MKNK1: variants seen among roughly 807,000 people sequenced by gnomAD.
MKNK1 encodes MAP kinase-interacting serine/threonine-protein kinase 1.
A neutral mutation model predicts 49.3 loss-of-function variants in MKNK1; 30 were observed. The observed-to-expected ratio is 0.61, with a 90% CI of 0.46 to 0.83. MKNK1 has a LOEUF of 0.83. Ranked by LOEUF, MKNK1 falls within the 40% of genes least tolerant of loss-of-function variation. The pLI is 0.00. For synonymous variants in MKNK1, 176 were observed against 201.7 expected, an observed-to-expected ratio of 0.87 and a Z score of 1.08; for missense variants, 423 against 524.7, an observed-to-expected ratio of 0.81 and a Z score of 1.89.
At chr1:46,584,313 CTT>C (rs1193558523) in intron 2 of MKNK1, among the ~76,000 whole-genome samples, 2 of 152,160 alleles carry the variant, frequency 1.3e-5, no homozygotes, top group African/African-American at 4.8e-5. Context: ...CTTTAATACT[CTT>C]TGCCTGCAGT....
intron 11 of MKNK1, among the ~76,000 whole-genome samples, chr1:46,561,075 G>A (rs1569996356): frequency 1.3e-5 from 2 of 152,370 alleles, no homozygotes; most frequent in South Asian, 2.1e-4. Flanking sequence ...ACCATGAGGA[G>A]AACCTATGTG....
Position 46,585,703 on chromosome 1 carries a change from G to T in MKNK1, c.-2-2374C>A, listed in dbSNP as rs957404407. On this transcript the variant is annotated intron_variant, in intron 2 of 12. Transcript: ENST00000371945. Reference sequence around the variant, plus strand: ...GGCTGGAGGCATTATAATTCACAGGGGACACTCAGGCACACGACTCTAATG... The same window carrying T: ...GGCTGGAGGCATTATAATTCACAGGTGACACTCAGGCACACGACTCTAATG... The T allele has an allele frequency of 1.5e-5, 7 of 455,190 alleles. No homozygotes were observed. The Admixed American group carries it at 1.7e-4, about 11-fold the overall frequency. The allele number at this position is 455,190 out of a possible 1,614,324, so 28.2% of individuals were successfully genotyped here.
At chr1:46,562,907 A>G in intron 9 of MKNK1, 64 bp from the exon 10 acceptor site, 1 of 1,332,100 alleles carries the variant, frequency 7.5e-7, no homozygotes, top group Non-Finnish European at 1.0e-6. Context: ...GTTACAGCAG[A>G]GGGGATGGCA....
chr1:46,569,703 G>A (rs1669754738), intron 7 of MKNK1: 1 of 152,248 alleles, frequency 6.6e-6, no homozygotes, highest in African/African-American at 2.4e-5. Flanking sequence ...AACTTCATCA[G>A]TCACCTAATT....
At chr1:46,583,413 T>C in intron 2 of MKNK1, 84 bp from the exon 3 acceptor site, 1 of 1,029,858 alleles carries the variant, frequency 9.7e-7, no homozygotes, top group Non-Finnish European at 1.5e-6. Flanking sequence ...AAAAAGGTAG[T>C]GGGGGAGGAC....
intron 1 of MKNK1, among the ~76,000 whole-genome samples, chr1:46,598,855 T>G (rs1405291768): frequency 1.3e-5 from 2 of 152,222 alleles, no homozygotes; most frequent in East Asian, 1.9e-4. Context: ...CCTGTTTATA[T>G]TCTCAGTTCT....
At position 46,557,801 on chromosome 1, in the gene MKNK1, C is replaced by T. The variant is rs1667254517; in HGVS notation, c.*774G>A. The T allele has an allele frequency of 6.6e-6, 1 of 152,212 alleles. No individual in the cohort carries two copies. Among genetic ancestry groups the T allele is most frequent in the Admixed American group, 6.5e-5 (1 of 15,278 alleles). 9.4% of individuals were successfully genotyped at this position (152,212 alleles called of 1,614,324 possible). A position where few individuals can be genotyped will look rare whatever the true frequency, so the allele number is the denominator to read the frequency against. ...GGACATTCTAGAAAGAAGAGCAAGC[C>T]GTTCCACTCTCTGGGAAGTTCATGG... On this transcript the variant is annotated 3_prime_UTR_variant, in exon 13 of 13. Coordinates refer to ENST00000371945, the MANE Select transcript of MKNK1 (RefSeq NM_001135553.4).
chr1:46,562,531 G>T, intron 10 of MKNK1, 118 bp downstream of exon 10: 1 of 1,169,366 alleles, frequency 8.6e-7, no homozygotes. Context: ...AGCGGGAGAG[G>T]GCACTATGAG....
At chr1:46,578,040 A>AGAG (rs1208233414) in intron 4 of MKNK1, among the ~76,000 whole-genome samples, 1 of 152,222 alleles carries the variant, frequency 6.6e-6, no homozygotes, top group African/African-American at 2.4e-5. Context: ...ATCTGAATGG[A>AGAG]GAGGTGTAGT....
chr1:46,588,803 G>A (rs1262336), intron 2 of MKNK1, among the ~76,000 whole-genome samples: 4 of 134,520 alleles, frequency 3.0e-5, no homozygotes, highest in African/African-American at 9.1e-5. Flanking sequence ...GCGAGACTCC[G>A]TCTCAAAAAA....
At position 46,580,563 on chromosome 1, in the gene MKNK1, C is replaced by A. The variant is rs768974646; in HGVS notation, c.165G>T (p.Val55=). ...CATACTCTTTGCCATTCTGTAGGCT[C>A]ACGGCACCTTGAACTTTGGCATAGG... is the stretch of plus-strand genomic sequence containing the variant. ...EGAYAKVQGA[V]SLQNGKEYAV... is the part of the protein sequence containing the mutation. The change falls in exon 4 of 13, where the codon GTG becomes GTT. Residue 55 remains valine (V), a synonymous_variant. Coordinates refer to ENST00000371945, the MANE Select transcript of MKNK1 (RefSeq NM_001135553.4). 1 of 1,614,062 alleles carries A rather than the reference C, an allele frequency of 6.2e-7. No individual in the cohort carries two copies. The highest frequency in any genetic ancestry group is 8.5e-7 in the Non-Finnish European group (1 of 1,179,902).
At chr1:46,578,210 G>T (rs1671254983) in intron 4 of MKNK1, among the ~76,000 whole-genome samples, 1 of 152,186 alleles carries the variant, frequency 6.6e-6, no homozygotes, top group East Asian at 1.9e-4. Flanking sequence ...ACAACTATCT[G>T]GGGAGTCAGA....
At chr1:46,586,050 G>A in intron 2 of MKNK1, 1 of 627,386 alleles carries the variant, frequency 1.6e-6, no homozygotes, top group Non-Finnish European at 2.6e-6. Flanking sequence ...ACAGGGGGAA[G>A]CGAGAGGTGT....
At chr1:46,602,940 C>CAG (rs1403847727) in intron 1 of MKNK1, among the ~76,000 whole-genome samples, 25 of 152,346 alleles carry the variant, frequency 1.6e-4, no homozygotes, top group Middle Eastern at 6.8e-3. Context: ...CTCCTGTTCA[C>CAG]AGAGCTTCCC....
Position 46,589,047 on chromosome 1 carries a change from C to T in MKNK1, c.-3+5066G>A, listed in dbSNP as rs186582539. ...TCAAATAAGAGACTAGAAGTGAAAG[C>T]ACCACTGACTTACTCTTCAATAATG... On this transcript the variant is annotated intron_variant, in intron 2 of 12. Coordinates refer to ENST00000371945, the MANE Select transcript of MKNK1 (RefSeq NM_001135553.4). The surrounding 1 kb of genome is among the most constrained non-coding windows in gnomAD (Gnocchi z 4.3). Among the ~76,000 whole-genome samples, 116 of 152,338 alleles carry T rather than the reference C, an allele frequency of 7.6e-4. 1 individual carries two copies. Among genetic ancestry groups the T allele is most frequent in the African/African-American group, 2.7e-3 (113 of 41,576 alleles).
intron 4 of MKNK1, among the ~76,000 whole-genome samples, chr1:46,577,442 T>C (rs998184033): frequency 6.6e-6 from 1 of 151,962 alleles, no homozygotes; most frequent in Non-Finnish European, 1.5e-5. Flanking sequence ...GATTGTGCCA[T>C]TGCACTCCAG....
chr1:46,580,403 A>T, intron 4 of MKNK1, 127 bp downstream of exon 4: 1 of 711,694 alleles, frequency 1.4e-6, no homozygotes, highest in Non-Finnish European at 2.4e-6. Flanking sequence ...AGAGAAACCA[A>T]GATTTGAATC....
intron 1 of MKNK1, among the ~76,000 whole-genome samples, chr1:46,601,853 C>T (rs1674769603): frequency 1.3e-5 from 2 of 152,164 alleles, no homozygotes; most frequent in Non-Finnish European, 2.9e-5. Flanking sequence ...AGACATGGTC[C>T]CTTGCCACCC....
chr1:46,560,206 A>G (rs1287049253), intron 12 of MKNK1, 28 bp downstream of exon 12: 1 of 1,613,250 alleles, frequency 6.2e-7, no homozygotes, highest in Non-Finnish European at 8.5e-7. Context: ...GAGGAAGAGC[A>G]TGGCGTGGGG....
Sources: gnomAD v4.1 joint callset for allele counts (sites outside exome capture counted in the v4.1 genomes callset) on GRCh38, gnomAD v4.1.1 for gene constraint, Gnocchi (gnomAD v3.1) non-coding constraint, MANE v1.5 for transcripts, NCBI Gene and HGNC (gene_info 2026-07-23, HGNC 2026-07-21) for gene names.